The following ZNF267 variants were observed in gnomAD, a reference collection of about 807,000 sequenced individuals.
ZNF267 encodes zinc finger (C2H2).
Under a neutral mutation model 71.6 loss-of-function variants are expected in ZNF267, and 61 were observed. The observed-to-expected ratio is 0.85, with a 90% CI of 0.69 to 1.05. ZNF267 has a LOEUF of 1.05. Ranked by LOEUF, ZNF267 falls within the 50% of genes least tolerant of loss-of-function variation. The probability of loss-of-function intolerance (pLI) is 0.00; values close to 1 mark genes in which losing one functional copy is unlikely to be tolerated. For missense variants in ZNF267, 852 were observed against 870.0 expected (o/e 0.98, Z 0.26); for synonymous variants, 288 against 293.2 (o/e 0.98, Z 0.18).
chr16:31,880,669 G>A (rs1423208195), intron 1 of ZNF267, among the ~76,000 whole-genome samples: 2 of 152,158 alleles, frequency 1.3e-5, no homozygotes, highest in Non-Finnish European at 2.9e-5. Flanking sequence ...GGCTAATCTT[G>A]CTTCCGTCTC....
At chr16:31,891,752 T>C (rs546623307) in intron 3 of ZNF267, among the ~76,000 whole-genome samples, 4 of 152,350 alleles carry the variant, frequency 2.6e-5, no homozygotes, top group African/African-American at 9.6e-5. Flanking sequence ...GTGAGTCCAC[T>C]AAACCTCTTT....
At chr16:31,894,547 G>T in intron 3 of ZNF267, 1 of 510,672 alleles carries the variant, frequency 2.0e-6, no homozygotes. Flanking sequence ...TCTTTCAAGT[G>T]CTGCTCATAA....
intron 3 of ZNF267, among the ~76,000 whole-genome samples, chr16:31,900,622 T>G (rs2084032459): frequency 2.0e-5 from 3 of 151,944 alleles, no homozygotes; most frequent in Non-Finnish European, 4.4e-5. Flanking sequence ...TTTTTTGTAT[T>G]TTTAGTAGAG....
chr16:31,895,052 A>G (rs2083988079), intron 3 of ZNF267: 1 of 252,462 alleles, frequency 4.0e-6, no homozygotes, highest in Non-Finnish European at 7.8e-6. Context: ...ACTTCCTCCC[A>G]GGGGGCCTTC....
intron 3 of ZNF267, among the ~76,000 whole-genome samples, chr16:31,903,642 G>A (rs550272094): frequency 3.7e-4 from 57 of 152,038 alleles, no homozygotes; most frequent in African/African-American, 1.2e-3. Context: ...TATCCCCTTT[G>A]TCATTTTTTA....
rs903750705 is a variant in ZNF267 at position 31,915,925 on chromosome 16, A to G, written c.1676A>G (p.Tyr559Cys). The change falls in exon 4 of 4, where the codon TAT becomes TGT. Residue 559 changes from tyrosine (Y) to cysteine (C), a missense_variant. Coordinates refer to ENST00000300870, the MANE Select transcript of ZNF267 (RefSeq NM_003414.6). Reference sequence around the variant, plus strand: ...AAAGAATGTGGCAAAGCCTTTCCTTATAGTTCACACCTTATTCGACATCAT... The same window carrying G: ...AAAGAATGTGGCAAAGCCTTTCCTTGTAGTTCACACCTTATTCGACATCAT... Reference protein sequence around the residue: ...KCKECGKAFPYSSHLIRHHRI... With the variant: ...KCKECGKAFPCSSHLIRHHRI... 4 of 1,613,626 alleles carry G rather than the reference A, an allele frequency of 2.5e-6. No homozygotes were observed. The highest frequency in any genetic ancestry group is 3.4e-6 in the Non-Finnish European group (4 of 1,179,970).
At chr16:31,874,072 G>A (rs2083834137) in intron 1 of ZNF267, 103 bp downstream of exon 1, 1 of 1,360,364 alleles carries the variant, frequency 7.4e-7, no homozygotes, top group Non-Finnish European at 1.0e-6. Context: ...AGTCAGCCTC[G>A]GGGTCTGGGC....
At chr16:31,885,734 G>A (rs2083919740) in intron 3 of ZNF267, among the ~76,000 whole-genome samples, 1 of 152,092 alleles carries the variant, frequency 6.6e-6, no homozygotes, top group African/African-American at 2.4e-5. Context: ...ATCGTATTGT[G>A]GTTTCCAAGG....
At chr16:31,899,092 C>A (rs2084020183) in intron 3 of ZNF267, among the ~76,000 whole-genome samples, 3 of 152,138 alleles carry the variant, frequency 2.0e-5, no homozygotes, top group Non-Finnish European at 4.4e-5. Flanking sequence ...TAATGGGAGA[C>A]TTTAACACCC....
At chr16:31,909,438 CTTCAATGTCT>C (rs1045659610) in intron 3 of ZNF267, among the ~76,000 whole-genome samples, 9 of 152,024 alleles carry the variant, frequency 5.9e-5, no homozygotes, top group Non-Finnish European at 1.2e-4. Flanking sequence ...CAGCCATCCT[CTTCAATGTCT>C]TTCATTCATG....
intron 3 of ZNF267, among the ~76,000 whole-genome samples, chr16:31,908,693 G>A (rs1001464542): frequency 2.0e-5 from 3 of 151,798 alleles, no homozygotes; most frequent in African/African-American, 7.3e-5. Flanking sequence ...TCTAGTGTAT[G>A]TTCTTAACAT....
intron 3 of ZNF267, among the ~76,000 whole-genome samples, chr16:31,905,979 C>T (rs539167160): frequency 1.2e-4 from 18 of 152,112 alleles, no homozygotes; most frequent in Non-Finnish European, 7.4e-5. Flanking sequence ...TTGTCCTTTC[C>T]GTTTGTTAGT....
Position 31,915,024 on chromosome 16 carries a change from G to A in ZNF267, c.775G>A (p.Gly259Arg). Residue 259 changes from glycine (G) to arginine (R), a missense_variant, in exon 4 of 4, where the codon GGG becomes AGG. By Grantham distance (125) the Gly-to-Arg change is moderately radical (BLOSUM62 -2). Transcript: ENST00000300870. Reference protein sequence around the residue: ...FEEVFLQSMHGQEKQEQSYKC... With the variant: ...FEEVFLQSMHRQEKQEQSYKC... ...GGAAGTCTTTCTTCAGAGTATGCATGGGCAAGAGAAACAAGAACAGTCTTA... is the reference window on the plus strand; with the variant it reads ...GGAAGTCTTTCTTCAGAGTATGCATAGGCAAGAGAAACAAGAACAGTCTTA... 6.2e-7 allele frequency: 1 copy of A among 1,610,850 alleles called. No individual in the cohort carries two copies. Among genetic ancestry groups the A allele is most frequent in the Non-Finnish European group, 8.5e-7 (1 of 1,179,196 alleles).
intron 3 of ZNF267, among the ~76,000 whole-genome samples, chr16:31,893,648 G>A (rs905811167): frequency 3.3e-5 from 5 of 152,192 alleles, no homozygotes; most frequent in African/African-American, 1.2e-4. Flanking sequence ...GCCTTTATGG[G>A]CACAGATGTG....
At chr16:31,898,846 ATCTG>A (rs1567476866) in intron 3 of ZNF267, among the ~76,000 whole-genome samples, 1 of 152,056 alleles carries the variant, frequency 6.6e-6, no homozygotes, top group Non-Finnish European at 1.5e-5. Context: ...ATGGTGGAAG[ATCTG>A]CCAAGCAGAT....
chr16:31,889,692 GGCAGTCACATGGCAAGAGCAGGA>G, intron 3 of ZNF267, among the ~76,000 whole-genome samples: 1 of 152,312 alleles, frequency 6.6e-6, no homozygotes, highest in Admixed American at 6.5e-5. Context: ...AGGTAGAACA[GGCAGTCACATGGCAAGAGCAGGA>G]GCACCAGACT....
chr16:31,893,791 A>G (rs1272472712), intron 3 of ZNF267, among the ~76,000 whole-genome samples: 1 of 152,230 alleles, frequency 6.6e-6, no homozygotes, highest in South Asian at 2.1e-4. Context: ...ATAGAACCAC[A>G]GATAGATTTT....
At chr16:31,905,600 C>T (rs1288394820) in intron 3 of ZNF267, among the ~76,000 whole-genome samples, 4 of 152,160 alleles carry the variant, frequency 2.6e-5, no homozygotes, top group South Asian at 2.1e-4. Context: ...CTTGTGCATT[C>T]GTCACGTAGT....
chr16:31,884,545 G>A lies in ZNF267; in HGVS notation c.51G>A (p.Glu17=), dbSNP rs2083910457. 1 of 1,614,044 alleles carries A rather than the reference G, an allele frequency of 6.2e-7. No homozygotes were observed. Among genetic ancestry groups the A allele is most frequent in the African/African-American group, 1.3e-5 (1 of 74,926 alleles). ...TGGCCGTAGAATTCTCTTTGGAGGAGTGGGAACACCTGGAACCAGCTCAGA... is the reference window on the plus strand; with the variant it reads ...TGGCCGTAGAATTCTCTTTGGAGGAATGGGAACACCTGGAACCAGCTCAGA... ...RDVAVEFSLE[E]WEHLEPAQKN... is the part of the protein sequence containing the mutation. The change falls in exon 2 of 4, where the codon GAG becomes GAA. Residue 17 remains glutamate, a synonymous_variant. Transcript: ENST00000300870.
Sources: gnomAD v4.1 joint callset for allele counts (sites outside exome capture counted in the v4.1 genomes callset) on GRCh38, gnomAD v4.1.1 for gene constraint, MANE v1.5 for transcripts, NCBI Gene and HGNC (gene_info 2026-07-23, HGNC 2026-07-21) for gene names.